GRID2: variants seen among roughly 807,000 people sequenced by gnomAD.
GRID2 encodes the protein glutamate receptor ionotropic, delta-2.
Under a neutral mutation model 114.8 loss-of-function variants are expected in GRID2, and 33 were observed. The ratio of observed to expected loss-of-function variants is 0.29; its 90% CI spans 0.22 to 0.38. The LOEUF is 0.38. GRID2 is among the 10% of genes least tolerant of loss of function. The pLI is 1.00. For missense variants in GRID2, 1,184 were observed against 1,257.7 expected (o/e 0.94, Z 0.89); for synonymous variants, 505 against 449.9 (o/e 1.12, Z -1.55).
At chr4:93,785,114 A>C (rs1734566143) in intron 1 of GRID2, among the ~76,000 whole-genome samples, 1 of 152,232 alleles carries the variant, frequency 6.6e-6, no homozygotes, top group African/African-American at 2.4e-5. Flanking sequence ...GAGAAAGATC[A>C]GATAGTTTGG....
chr4:92,655,907 A>G (rs1381345750), intron 2 of GRID2, among the ~76,000 whole-genome samples: 3 of 151,694 alleles, frequency 2.0e-5, no homozygotes, highest in African/African-American at 7.3e-5. Flanking sequence ...ACCAAGTTTA[A>G]TAATAGTGTT....
intron 9 of GRID2, among the ~76,000 whole-genome samples, chr4:93,396,149 C>G (rs920665769): frequency 6.6e-6 from 1 of 151,882 alleles, no homozygotes; most frequent in Non-Finnish European, 1.5e-5. Flanking sequence ...AACTAAGAAT[C>G]TTTTTCTCGT....
chr4:92,763,650 G>A lies in GRID2; in HGVS notation c.244+173364G>A, dbSNP rs76908216. 8.1e-3 allele frequency among the ~76,000 whole-genome samples: 1,240 copies of A among 152,220 alleles called. 15 individuals are homozygous for A. The highest frequency in any genetic ancestry group is 0.029 in the African/African-American group (1,199 of 41,516). ...ACTGCTGGACAGAGTAATATGTGGA[G>A]CGTAATTTTTTGTAGGATGATCATA... On this transcript the variant is annotated intron_variant, in intron 2 of 15. Transcript: ENST00000282020.
intron 1 of GRID2, among the ~76,000 whole-genome samples, chr4:92,404,850 G>C (rs1366795557): frequency 6.6e-6 from 1 of 152,090 alleles, no homozygotes; most frequent in Admixed American, 6.6e-5. Context: ...TTGACACACA[G>C]AGGGGAACAA....
chr4:93,606,561 A>G (rs1380173682), intron 13 of GRID2, among the ~76,000 whole-genome samples: 3 of 152,208 alleles, frequency 2.0e-5, no homozygotes, highest in Non-Finnish European at 4.4e-5. Context: ...CAGAATCCAT[A>G]TGCACATACC....
intron 2 of GRID2, among the ~76,000 whole-genome samples, chr4:92,908,236 C>T (rs1748105650): frequency 6.6e-6 from 1 of 151,938 alleles, no homozygotes; most frequent in South Asian, 2.1e-4. Context: ...TACTAGTTTC[C>T]TTTTACATGT....
chr4:92,757,024 C>A (rs1434853873), intron 2 of GRID2, among the ~76,000 whole-genome samples: 1 of 151,968 alleles, frequency 6.6e-6, no homozygotes, highest in Non-Finnish European at 1.5e-5. Flanking sequence ...AAATCTTGGC[C>A]TAGACCAATA....
At chr4:93,360,050 G>C (rs866133285) in intron 8 of GRID2, among the ~76,000 whole-genome samples, 1 of 151,270 alleles carries the variant, frequency 6.6e-6, no homozygotes, top group African/African-American at 2.4e-5. Context: ...TTTAAAAATA[G>C]CTTTTAAAAT....
At chr4:93,450,965 A>C (rs2149405002) in intron 10 of GRID2, among the ~76,000 whole-genome samples, 1 of 152,044 alleles carries the variant, frequency 6.6e-6, no homozygotes, top group African/African-American at 2.4e-5. Context: ...TAAAACAGTC[A>C]ATTTTCATAT....
intron 8 of GRID2, among the ~76,000 whole-genome samples, chr4:93,256,065 A>G (rs1036743454): frequency 3.9e-5 from 6 of 152,124 alleles, no homozygotes; most frequent in Non-Finnish European, 5.9e-5. Flanking sequence ...TTGCTGAAAT[A>G]CAAAATAATT....
intron 1 of GRID2, among the ~76,000 whole-genome samples, chr4:92,507,915 A>G (rs540070069): frequency 1.3e-5 from 2 of 152,068 alleles, no homozygotes; most frequent in South Asian, 2.1e-4. Flanking sequence ...TGTAGCCTCT[A>G]TTATGTAGAA....
At chr4:92,489,600 C>T (rs1046030022) in intron 1 of GRID2, among the ~76,000 whole-genome samples, 1 of 152,090 alleles carries the variant, frequency 6.6e-6, no homozygotes, top group African/African-American at 2.4e-5. Context: ...AATCCCAGCA[C>T]TTTGGGAGGC....
intron 2 of GRID2, among the ~76,000 whole-genome samples, chr4:92,768,143 A>C (rs1372367172): frequency 1.3e-5 from 2 of 152,176 alleles, no homozygotes; most frequent in Non-Finnish European, 2.9e-5. Flanking sequence ...TTTCTTTTTT[A>C]ACCACAAAAC....
chr4:93,429,025 A>C (rs935344833), intron 10 of GRID2, among the ~76,000 whole-genome samples: 1 of 152,308 alleles, frequency 6.6e-6, no homozygotes, highest in East Asian at 1.9e-4. Context: ...TGCCAGACGT[A>C]TGCCCCTTGA....
Position 93,104,834 on chromosome 4 carries a change from G to C in GRID2, c.530-5914G>C, listed in dbSNP as rs559470466. ...TTGGGTATATACCCAGTAATGGGAT[G>C]GCTGGGTCAAATGGTATTTCTAGTT... On this transcript the variant is annotated intron_variant, in intron 3 of 15. Transcript: ENST00000282020. Among the ~76,000 whole-genome samples the C allele has an allele frequency of 8.5e-5, 13 of 152,114 alleles. No homozygotes were observed. In the East Asian group the frequency reaches 2.5e-3, roughly 29 times the overall value.
chr4:93,201,909 A>G lies in GRID2; in HGVS notation c.736-5495A>G, dbSNP rs543849030. Among the ~76,000 whole-genome samples the G allele has an allele frequency of 9.9e-5, 15 of 152,172 alleles. No individual in the cohort carries two copies. The South Asian group carries it at 2.9e-3, about 29-fold the overall frequency. On this transcript the variant is annotated intron_variant, in intron 4 of 15. Coordinates refer to ENST00000282020, the MANE Select transcript of GRID2 (RefSeq NM_001510.4). Reference sequence around the variant, plus strand: ...TCCTTACTCATTGCTTGTCTTCCTGACAGGACTTGATTTTTTTTTTTCCTT... The same window carrying G: ...TCCTTACTCATTGCTTGTCTTCCTGGCAGGACTTGATTTTTTTTTTTCCTT...
chr4:92,356,605 A>C (rs1728339327), intron 1 of GRID2, among the ~76,000 whole-genome samples: 1 of 151,766 alleles, frequency 6.6e-6, no homozygotes, highest in South Asian at 2.1e-4. Flanking sequence ...ACTCAAGCAC[A>C]TACCGCATGT....
At chr4:92,729,635 T>A (rs1344599153) in intron 2 of GRID2, among the ~76,000 whole-genome samples, 1 of 152,078 alleles carries the variant, frequency 6.6e-6, no homozygotes, top group Admixed American at 6.6e-5. Context: ...TTTGCATTTT[T>A]AAAACTCATT....
chr4:93,271,631 A>G (rs1281010406), intron 8 of GRID2, among the ~76,000 whole-genome samples: 1 of 152,204 alleles, frequency 6.6e-6, no homozygotes, highest in African/African-American at 2.4e-5. Flanking sequence ...GTTGAATTTT[A>G]AGAATGTGAT....
Sources: gnomAD v4.1 joint callset for allele counts (sites outside exome capture counted in the v4.1 genomes callset) on GRCh38, gnomAD v4.1.1 for gene constraint, MANE v1.5 for transcripts, NCBI Gene and HGNC (gene_info 2026-07-23, HGNC 2026-07-21) for gene names.